Variants in HEG1 observed in about 807,000 individuals in gnomAD.
HEG1 encodes protein HEG homolog 1.
A neutral mutation model predicts 125.6 loss-of-function variants in HEG1; 56 were observed. The ratio of observed to expected loss-of-function variants is 0.45; its 90% CI spans 0.36 to 0.56. The LOEUF is 0.56. Among genes scored for constraint, HEG1 ranks in the 20% least tolerant of loss-of-function variants. HEG1 has a pLI of 0.00. For missense variants in HEG1, 1,523 were observed against 1,670.0 expected (o/e 0.91, Z 1.53); for synonymous variants, 644 against 668.5 (o/e 0.96, Z 0.57).
rs1193292023 is a variant in HEG1, at chr3:124,977,949, A to G, written c.3734-3T>C. Reference sequence around the variant, plus strand: ...CACCACAGTGATAAGCTGATAGGCTAAACGTAAAACAAACAAAAAAGCATA... The same window carrying G: ...CACCACAGTGATAAGCTGATAGGCTGAACGTAAAACAAACAAAAAAGCATA... On this transcript the variant is annotated splice_region_variant and splice_polypyrimidine_tract_variant and intron_variant, in intron 14 of 16. Coordinates refer to ENST00000311127, the MANE Select transcript of HEG1 (RefSeq NM_020733.2). The G allele has an allele frequency of 1.3e-6, 2 of 1,557,334 alleles. No homozygotes were observed. The highest frequency in any genetic ancestry group is 2.8e-5 in the African/African-American group (2 of 71,642).
chr3:125,018,416 G>A (rs1327086145), intron 5 of HEG1, among the ~76,000 whole-genome samples: 1 of 152,148 alleles, frequency 6.6e-6, no homozygotes, highest in Non-Finnish European at 1.5e-5. Context: ...TTTCTTTGTG[G>A]GGTGATGGAA....
chr3:125,001,768 C>A (rs552869803), intron 11 of HEG1, 84 bp downstream of exon 11: 1 of 1,471,308 alleles, frequency 6.8e-7, no homozygotes, highest in African/African-American at 1.4e-5. Context: ...TTTCCTGGGC[C>A]TGAGCCCTGG....
intron 1 of HEG1, 102 bp downstream of exon 1, chr3:125,055,473 G>A: frequency 4.9e-6 from 4 of 812,756 alleles, no homozygotes; most frequent in Non-Finnish European, 6.3e-6. Flanking sequence ...CCCACCCTGG[G>A]TCGCGCCGCG....
At position 124,970,543 on chromosome 3, in the gene HEG1, C is replaced by G. The variant is rs748050561; in HGVS notation, c.*109G>C. ...CATGCCTGTCCCTCTTCCTGCTTGC[C>G]ACTCAGCGTGGCTCCCGACAAATCC... On this transcript the variant is annotated 3_prime_UTR_variant, in exon 17 of 17. Transcript: ENST00000311127. 1.2e-4 allele frequency: 116 copies of G among 948,236 alleles called. No homozygotes were observed. Among genetic ancestry groups the G allele is most frequent in the Non-Finnish European group, 1.6e-4 (105 of 638,610 alleles). The allele number at this position is 948,236 out of a possible 1,614,324, so 58.7% of individuals were successfully genotyped here.
intron 14 of HEG1, among the ~76,000 whole-genome samples, chr3:124,986,944 G>T (rs556714220): frequency 6.6e-6 from 1 of 152,274 alleles, no homozygotes; most frequent in Non-Finnish European, 1.5e-5. Flanking sequence ...TTAGAATAAT[G>T]CCCTGCAGCT....
At chr3:125,001,525 A>G (rs1936999017) in intron 11 of HEG1, among the ~76,000 whole-genome samples, 2 of 152,102 alleles carry the variant, frequency 1.3e-5, no homozygotes, top group South Asian at 2.1e-4. Context: ...GTGGAAAAAG[A>G]GTGATTTCTG....
intron 9 of HEG1, among the ~76,000 whole-genome samples, chr3:125,004,214 A>G (rs1379094340): frequency 6.6e-6 from 1 of 152,240 alleles, no homozygotes; most frequent in Non-Finnish European, 1.5e-5. Flanking sequence ...TTACACAGAT[A>G]AAGTCCAAAG....
At chr3:124,993,215 T>G (rs1936860915) in intron 12 of HEG1, among the ~76,000 whole-genome samples, 2 of 152,246 alleles carry the variant, frequency 1.3e-5, no homozygotes, top group Admixed American at 6.5e-5. Flanking sequence ...TGTCTCATTC[T>G]GCATATTCAC....
chr3:125,033,804 C>T (rs1429003390), intron 1 of HEG1, among the ~76,000 whole-genome samples: 1 of 152,196 alleles, frequency 6.6e-6, no homozygotes, highest in African/African-American at 2.4e-5. Flanking sequence ...CGCCTCAGCT[C>T]CGCCTCCTGA....
Position 124,987,952 on chromosome 3 carries a change from C to CACACACACACACACACATAT in HEG1, c.3733+2834_3733+2835insATATGTGTGTGTGTGTGTGT. Reference sequence around the variant, plus strand: ...ACACACACACACACACACACACACACATATATATATATATATATATATACC... The same window carrying CACACACACACACACACATAT: ...ACACACACACACACACACACACACACACACACACACACACACATATATATATATATATATATATATATACC... On this transcript the variant is annotated intron_variant, in intron 14 of 16. Transcript: ENST00000311127. 6.4e-3 allele frequency among the ~76,000 whole-genome samples: 348 copies of CACACACACACACACACATAT among 54,652 alleles called. 6 individuals carry two copies. The highest frequency in any genetic ancestry group is 0.014 in the East Asian group (30 of 2,118). The allele number at this position is 54,652 out of a possible 152,430, so 35.9% of individuals were successfully genotyped here. A position where few individuals can be genotyped will look rare whatever the true frequency, so the allele number is the denominator to read the frequency against.
At position 125,055,822 on chromosome 3, in the gene HEG1, C is replaced by T. The variant is rs1307997103; in HGVS notation, c.69G>A (p.Leu23=). The change falls in exon 1 of 17, where the codon CTG becomes CTA. Residue 23 remains leucine, a synonymous_variant. Coordinates refer to ENST00000311127, the MANE Select transcript of HEG1 (RefSeq NM_020733.2). The part of the protein sequence containing the change: ...LLLLLLPLLL[L]PPAAPGTRDP... ...CCCGCGTCCCGGGGGCCGCCGGCGG[C>T]AGCAGCAGCAGCGGCAGCAACAGCA... 10 of 941,320 alleles carry T rather than the reference C, an allele frequency of 1.1e-5. No individual in the cohort carries two copies. Among genetic ancestry groups the T allele is most frequent in the Non-Finnish European group, 1.2e-5 (10 of 801,416 alleles). The allele number at this position is 941,320 out of a possible 1,614,324, so 58.3% of individuals were successfully genotyped here.
rs1278044835 is a variant in HEG1 at position 125,005,303 on chromosome 3, A to C, written c.3259T>G (p.Ser1087Ala). 4 of 1,601,988 alleles carry C rather than the reference A, an allele frequency of 2.5e-6. No individual in the cohort carries two copies. In the African/African-American group the frequency reaches 5.4e-5, roughly 22 times the overall value. ...TFLNTTVEKHSDLQEVENEIT... is the reference protein window; with the variant it reads ...TFLNTTVEKHADLQEVENEIT... ...TCATTTTCAACTTCTTGTAGGTCTG[A>C]ATGTTTTTCCACAGTTGTATTAAGA... Residue 1087 changes from serine (S) to alanine (A), a missense_variant, in exon 9 of 17, where the codon TCA becomes GCA. Coordinates refer to ENST00000311127, the MANE Select transcript of HEG1 (RefSeq NM_020733.2).
rs561577464 is a variant in HEG1 at position 124,970,503 on chromosome 3, T to G, written c.*149A>C. Reference sequence around the variant, plus strand: ...TTCCACATCCACCTGTCTCCTCCACTGTGGTCACGCCCCGCATGCCTGTCC... The same window carrying G: ...TTCCACATCCACCTGTCTCCTCCACGGTGGTCACGCCCCGCATGCCTGTCC... On this transcript the variant is annotated 3_prime_UTR_variant, in exon 17 of 17. Transcript: ENST00000311127. The G allele has an allele frequency of 1.6e-6, 1 of 637,872 alleles. No homozygotes were observed. The highest frequency in any genetic ancestry group is 2.0e-5 in the South Asian group (1 of 50,956). The allele number at this position is 637,872 out of a possible 1,614,324, so 39.5% of individuals were successfully genotyped here.
At chr3:124,991,876 C>T (rs1323054463) in intron 12 of HEG1, among the ~76,000 whole-genome samples, 1 of 152,230 alleles carries the variant, frequency 6.6e-6, no homozygotes. Flanking sequence ...TCCCAAAGTA[C>T]TAGGATTAAA....
At position 125,013,725 on chromosome 3, in the gene HEG1, A is replaced by C; in HGVS notation, c.1854T>G (p.Tyr618Ter). Reference sequence around the variant, plus strand: ...CTGGCGACTCAGTAGAAGGCTGAGCATATTCCCCGTCATAGGATGAGATGT... The same window carrying C: ...CTGGCGACTCAGTAGAAGGCTGAGCCTATTCCCCGTCATAGGATGAGATGT... Reference protein sequence around the residue: ...RSNISSYDGEYAQPSTESPVL... With the variant: ...RSNISSYDGE Residue 618 changes from tyrosine (Y) to a stop codon, truncating the protein, a stop_gained, in exon 6 of 17, where the codon TAT becomes TAG. Coordinates refer to ENST00000311127, the MANE Select transcript of HEG1 (RefSeq NM_020733.2). LOFTEE classifies it high-confidence loss of function. 6.2e-7 allele frequency: 1 copy of C among 1,614,050 alleles called. No individual in the cohort carries two copies. Among genetic ancestry groups the C allele is most frequent in the Non-Finnish European group, 8.5e-7 (1 of 1,179,894 alleles).
In HEG1 at chr3:125,013,860, A is replaced by C; in HGVS notation, c.1719T>G (p.Asp573Glu). Residue 573 changes from aspartate (D) to glutamate (E), a missense_variant, in exon 6 of 17, where the codon GAT becomes GAG. Asp to Glu is a conservative substitution (Grantham distance 45). Coordinates refer to ENST00000311127, the MANE Select transcript of HEG1 (RefSeq NM_020733.2). ...KGERALLSIT[D>E]NSSSSDIVES... ...CCACAATGTCTGAGGATGAACTGTT[A>C]TCTGTAATGGACAGTAACGCCCGTT... 1 of 1,613,968 alleles carries C rather than the reference A, an allele frequency of 6.2e-7. No individual in the cohort carries two copies. The highest frequency in any genetic ancestry group is 8.5e-7 in the Non-Finnish European group (1 of 1,179,858).
chr3:125,016,867 T>C (rs1181205812), intron 5 of HEG1, among the ~76,000 whole-genome samples: 1 of 152,222 alleles, frequency 6.6e-6, no homozygotes, highest in East Asian at 1.9e-4. Context: ...TAAAAAATTA[T>C]CCCTAAGCAT....
Position 125,013,199 on chromosome 3 carries a change from T to C in HEG1, c.2380A>G (p.Lys794Glu). ...GGCAGAGACACCAGGCTTGGTGACT[T>C]TGATTCTGTAATGACTTTCTCTTGG... is the stretch of plus-strand genomic sequence containing the variant. ...PHQEKVITES[K>E]SPSLVSLPTE... is the part of the protein sequence containing the mutation. Residue 794 changes from lysine to glutamate, a missense_variant, in exon 6 of 17, where the codon AAG becomes GAG. Physicochemically the swap from Lys to Glu is moderately conservative, Grantham distance 56. Transcript: ENST00000311127. 1.9e-6 allele frequency: 3 copies of C among 1,613,968 alleles called. No homozygotes were observed. The highest frequency in any genetic ancestry group is 2.5e-6 in the Non-Finnish European group (3 of 1,179,884).
chr3:125,049,414 G>A (rs1489157572), intron 1 of HEG1, among the ~76,000 whole-genome samples: 1 of 152,152 alleles, frequency 6.6e-6, no homozygotes, highest in Non-Finnish European at 1.5e-5. Flanking sequence ...CATACTGGAT[G>A]TTCTCCACCT....
Sources: allele counts gnomAD v4.1 joint callset (sites outside exome capture counted in the v4.1 genomes callset), GRCh38; gene constraint gnomAD v4.1.1; transcripts MANE v1.5; gene names NCBI Gene and HGNC (gene_info 2026-07-23, HGNC 2026-07-21).